Variants in NMI observed in about 807,000 individuals in gnomAD.
NMI encodes the protein N-myc-interactor.
NMI carries 39 observed loss-of-function variants against 34.3 expected under a neutral mutation model. The ratio of observed to expected loss-of-function variants is 1.14; its 90% CI spans 0.88 to 1.49. The LOEUF (loss-of-function observed/expected upper bound fraction) is 1.49, where lower values mean the gene tolerates loss of function less well. NMI is among the 40% of genes most tolerant of loss of function. The pLI is 0.00. For missense variants in NMI, 339 were observed against 358.1 expected, an observed-to-expected ratio of 0.95 and a Z score of 0.43; for synonymous variants, 113 against 120.3, an observed-to-expected ratio of 0.94 and a Z score of 0.40.
chr2:151,272,293 G>A (rs1157542531), intron 6 of NMI, among the ~76,000 whole-genome samples: 1 of 152,174 alleles, frequency 6.6e-6, no homozygotes, highest in Non-Finnish European at 1.5e-5. Flanking sequence ...TCCTAGAGTG[G>A]TGAAAGGATG....
intron 7 of NMI, 63 bp from the exon 8 acceptor site, chr2:151,270,938 T>C (rs1008505332): frequency 4.6e-5 from 56 of 1,207,320 alleles, no homozygotes; most frequent in Non-Finnish European, 6.2e-5. Context: ...AAACTTTACA[T>C]TCATAATCTC....
In NMI at chr2:151,275,855, T is replaced by C; in HGVS notation, c.350A>G (p.Asn117Ser). The change falls in exon 5 of 8, where the codon AAT (asparagine) becomes AGT (serine). Residue 117 changes from asparagine (N) to serine (S), a missense_variant. Transcript: ENST00000243346. The part of the protein sequence containing the change: ...ITFEKEEVAQ[N>S]VVSMSKHHVQ... ...ATGATGTTTACTCATGCTTACCACA[T>C]TTTGAGCAACTGAAAAATAATTCAG... The C allele has an allele frequency of 6.3e-7, 1 of 1,579,382 alleles. No homozygotes were observed. Among genetic ancestry groups the C allele is most frequent in the Non-Finnish European group, 8.6e-7 (1 of 1,162,780 alleles).
intron 1 of NMI, among the ~76,000 whole-genome samples, chr2:151,285,544 C>T (rs945527535): frequency 1.9e-4 from 28 of 148,608 alleles, no homozygotes; most frequent in African/African-American, 5.3e-4. Context: ...GTCAAGACTG[C>T]GTCACAGCAC....
chr2:151,280,835 T>G (rs1160903987), intron 3 of NMI, among the ~76,000 whole-genome samples: 3 of 143,492 alleles, frequency 2.1e-5, no homozygotes, highest in Admixed American at 7.5e-5. Context: ...AAACAAGAAG[T>G]GTCAATGCTT....
At chr2:151,282,698 GACACTT>G in intron 2 of NMI, 164 bp downstream of exon 2, 1 of 413,582 alleles carries the variant, frequency 2.4e-6, no homozygotes, top group Non-Finnish European at 4.3e-6. Context: ...ATAAAAATAT[GACACTT>G]CTTGTAAGGC....
intron 1 of NMI, among the ~76,000 whole-genome samples, chr2:151,285,446 G>A (rs759586379): frequency 1.3e-5 from 2 of 152,118 alleles, no homozygotes; most frequent in Admixed American, 6.5e-5. Context: ...TGATTACCCA[G>A]GCATGGTGGC....
At chr2:151,286,121 C>T (rs996721907) in intron 1 of NMI, among the ~76,000 whole-genome samples, 28 of 152,240 alleles carry the variant, frequency 1.8e-4, no homozygotes, top group Non-Finnish European at 5.9e-5. Flanking sequence ...CTGGAGAAGT[C>T]TGGCAGACAT....
At chr2:151,275,940 T>A in intron 4 of NMI, 76 bp from the exon 5 acceptor site, 1 of 958,564 alleles carries the variant, frequency 1.0e-6, no homozygotes, top group South Asian at 1.7e-5. Flanking sequence ...TAAGAACAAA[T>A]TATCCTGAAT....
At chr2:151,283,698 T>C (rs1683447686) in intron 1 of NMI, among the ~76,000 whole-genome samples, 1 of 152,206 alleles carries the variant, frequency 6.6e-6, no homozygotes, top group Admixed American at 6.5e-5. Flanking sequence ...AACATATGCT[T>C]TCTCTACGCA....
At chr2:151,271,083 G>A (rs569242449) in intron 7 of NMI, among the ~76,000 whole-genome samples, 2 of 152,182 alleles carry the variant, frequency 1.3e-5, no homozygotes, top group Non-Finnish European at 2.9e-5. Context: ...GAGGAAAGGA[G>A]GGATGCTCTG....
intron 1 of NMI, among the ~76,000 whole-genome samples, chr2:151,283,413 A>C (rs1431339157): frequency 6.6e-6 from 1 of 152,202 alleles, no homozygotes. Flanking sequence ...TGCTGGGATT[A>C]CAGGCGTGAG....
rs1331456134 is a variant in NMI, at chr2:151,279,634, A to AC, written c.178-645dup. ...TGGAACTACAGGCATGCGCTACCAC[A>AC]CCGAGCTAATTTCTGTATTTTGTAT... On this transcript the variant is annotated intron_variant, in intron 3 of 7. Coordinates refer to ENST00000243346, the MANE Select transcript of NMI (RefSeq NM_004688.3). Among the ~76,000 whole-genome samples the AC allele has an allele frequency of 1.3e-5, 2 of 151,852 alleles. 1 individual carries two copies. The highest frequency in any genetic ancestry group is 2.9e-5 in the Non-Finnish European group (2 of 67,982).
In NMI at chr2:151,275,498, A is replaced by G. The variant is rs1683274710; in HGVS notation, c.620T>C (p.Phe207Ser). Residue 207 changes from phenylalanine to serine, a missense_variant, in exon 6 of 8, where the codon TTT (phenylalanine) becomes TCT (serine). By Grantham distance (155) the Phe-to-Ser change is radical (BLOSUM62 -2). Transcript: ENST00000243346. ...CCCTTGAGTACCTCCAATCTCCACA[A>G]ACGTGATGACTGCACTCCCGGACTG... ...DRQSGSAVIT[F>S]VEIGVADKIL... The G allele has an allele frequency of 6.2e-7, 1 of 1,613,842 alleles. No individual in the cohort carries two copies. The highest frequency in any genetic ancestry group is 1.1e-5 in the South Asian group (1 of 91,054).
intron 2 of NMI, 98 bp downstream of exon 2, chr2:151,282,770 T>C: frequency 1.6e-6 from 1 of 607,770 alleles, no homozygotes; most frequent in South Asian, 2.7e-5. Flanking sequence ...CCTCCCAAAT[T>C]CAAGGTAATG....
intron 3 of NMI, among the ~76,000 whole-genome samples, chr2:151,280,222 TA>T (rs951629316): frequency 1.5e-5 from 2 of 129,812 alleles, no homozygotes; most frequent in Non-Finnish European, 3.3e-5. Flanking sequence ...ACCTGAAAGA[TA>T]AAGGTAGGTG....
chr2:151,282,714 C>A, intron 2 of NMI, 154 bp downstream of exon 2: 1 of 452,682 alleles, frequency 2.2e-6, no homozygotes, highest in Non-Finnish European at 3.9e-6. Flanking sequence ...TCTTGTAAGG[C>A]TTAAATAACA....
rs768146134 is a variant in NMI, at chr2:151,271,681, G to T, written c.686C>A (p.Thr229Asn). 1.9e-6 allele frequency: 3 copies of T among 1,591,306 alleles called. No individual in the cohort carries two copies. Among genetic ancestry groups the T allele is most frequent in the Admixed American group, 1.7e-5 (1 of 59,376 alleles). The change falls in exon 7 of 8, where the codon ACC becomes AAC. Residue 229 changes from threonine (T) to asparagine (N), a missense_variant. By Grantham distance (65) the Thr-to-Asn change is moderately conservative (BLOSUM62 0). Coordinates refer to ENST00000243346, the MANE Select transcript of NMI (RefSeq NM_004688.3). ...KKEYPLYINQTCHRVTVSPYT... is the reference protein window; with the variant it reads ...KKEYPLYINQNCHRVTVSPYT... ...TGGAGAAACAGTAACTCTATGGCAGGTTTGATTTATATAAAGAGGGTATTC... is the reference window on the plus strand; with the variant it reads ...TGGAGAAACAGTAACTCTATGGCAGTTTTGATTTATATAAAGAGGGTATTC...
chr2:151,285,642 T>C (rs1466959983), intron 1 of NMI, among the ~76,000 whole-genome samples: 1 of 146,422 alleles, frequency 6.8e-6, no homozygotes, highest in Non-Finnish European at 1.5e-5. Flanking sequence ...TATATACAAA[T>C]ACATATATAC....
intron 1 of NMI, among the ~76,000 whole-genome samples, chr2:151,283,279 T>C (rs144573392): frequency 0.022 from 3,332 of 152,082 alleles, 131 homozygotes; most frequent in African/African-American, 0.077. Flanking sequence ...GTAGTTGGGA[T>C]TACAGGTACC....
Sources: allele counts gnomAD v4.1 joint callset (sites outside exome capture counted in the v4.1 genomes callset), GRCh38; gene constraint gnomAD v4.1.1; transcripts MANE v1.5; gene names NCBI Gene and HGNC (gene_info 2026-07-23, HGNC 2026-07-21).